Variants in MAGI2 observed in about 807,000 individuals in gnomAD.
The protein encoded by MAGI2 is membrane-associated guanylate kinase, WW and PDZ domain-containing protein 2.
In MAGI2, 35 loss-of-function variants were observed where a neutral mutation model predicts 133.3. That is an observed-to-expected ratio of 0.26 (90% CI 0.20 to 0.35). The LOEUF is 0.35. MAGI2 is among the 10% of genes least tolerant of loss of function. MAGI2 has a pLI of 1.00. For synonymous variants in MAGI2, 729 were observed against 710.6 expected, an observed-to-expected ratio of 1.03 and a Z score of -0.41; for missense variants, 1,636 against 1,863.4, an observed-to-expected ratio of 0.88 and a Z score of 2.25.
At chr7:79,330,788 T>C (rs1840024078) in intron 1 of MAGI2, among the ~76,000 whole-genome samples, 1 of 152,124 alleles carries the variant, frequency 6.6e-6, no homozygotes, top group Non-Finnish European at 1.5e-5. Flanking sequence ...TTAAACATAA[T>C]AATTTTAGGA....
chr7:78,876,321 C>CAAAAAAAA (rs57950337), intron 2 of MAGI2, among the ~76,000 whole-genome samples: 1,589 of 79,110 alleles, frequency 0.02, 80 homozygotes, highest in African/African-American at 0.025. Flanking sequence ...GACTCCGTCT[C>CAAAAAAAA]AAAAAAAAAA....
At chr7:79,067,915 T>C (rs975480827) in intron 1 of MAGI2, among the ~76,000 whole-genome samples, 1 of 152,234 alleles carries the variant, frequency 6.6e-6, no homozygotes, top group Non-Finnish European at 1.5e-5. Context: ...ATGTATTGAT[T>C]TGCATATTTT....
At chr7:78,107,073 T>C (rs1164164525) in intron 20 of MAGI2, among the ~76,000 whole-genome samples, 2 of 152,210 alleles carry the variant, frequency 1.3e-5, no homozygotes, top group Non-Finnish European at 2.9e-5. Flanking sequence ...CTTCTGCATA[T>C]GGATATCCAG....
At chr7:78,501,531 C>T (rs778512670) in intron 5 of MAGI2, 46 bp downstream of exon 5, 29 of 1,519,124 alleles carry the variant, frequency 1.9e-5, no homozygotes, top group Middle Eastern at 1.7e-4. Flanking sequence ...ATTTATATCC[C>T]GCTATGACCT....
At chr7:79,204,687 T>A (rs1329716596) in intron 1 of MAGI2, among the ~76,000 whole-genome samples, 1 of 151,688 alleles carries the variant, frequency 6.6e-6, no homozygotes, top group African/African-American at 2.4e-5. Flanking sequence ...GAAAGCTCAG[T>A]GAACTTCAAG....
rs377698009 is a variant in MAGI2, at chr7:78,953,541, A to G, written c.418+53549T>C. On this transcript the variant is annotated intron_variant, in intron 2 of 21. Transcript: ENST00000354212. Reference sequence around the variant, plus strand: ...TAACATTATGACATTTTCCTTCCAAATTCTTTATTGTCATATTTAAATTAT... The same window carrying G: ...TAACATTATGACATTTTCCTTCCAAGTTCTTTATTGTCATATTTAAATTAT... 4.6e-5 allele frequency among the ~76,000 whole-genome samples: 7 copies of G among 152,292 alleles called. No homozygotes were observed. In the East Asian group the frequency reaches 1.4e-3, roughly 29 times the overall value.
chr7:78,715,846 A>ATTGTGT (rs61098682), intron 2 of MAGI2, among the ~76,000 whole-genome samples: 1 of 151,328 alleles, frequency 6.6e-6, no homozygotes, highest in African/African-American at 2.4e-5. Context: ...AATAAATACA[A>ATTGTGT]AATATAAGTC....
intron 1 of MAGI2, among the ~76,000 whole-genome samples, chr7:79,052,428 T>C (rs1812758389): frequency 6.6e-6 from 1 of 152,206 alleles, no homozygotes; most frequent in South Asian, 2.1e-4. Context: ...CATGGCACCA[T>C]GTGCACCTGC....
At chr7:78,765,162 G>C (rs1464366006) in intron 2 of MAGI2, among the ~76,000 whole-genome samples, 1 of 152,144 alleles carries the variant, frequency 6.6e-6, no homozygotes, top group African/African-American at 2.4e-5. Context: ...AATCCTGACA[G>C]AAGGGAGATC....
chr7:78,917,244 G>C (rs559902437), intron 2 of MAGI2, among the ~76,000 whole-genome samples: 1 of 152,014 alleles, frequency 6.6e-6, no homozygotes, highest in East Asian at 1.9e-4. Flanking sequence ...AAAGGAAGTA[G>C]AGTAAGAGGA....
chr7:78,744,335 T>G (rs1022767530), intron 2 of MAGI2, among the ~76,000 whole-genome samples: 1 of 152,170 alleles, frequency 6.6e-6, no homozygotes, highest in African/African-American at 2.4e-5. Context: ...AATTTTTTTG[T>G]TTATCTCATT....
intron 2 of MAGI2, among the ~76,000 whole-genome samples, chr7:78,732,258 A>G (rs1378393213): frequency 9.9e-5 from 15 of 152,110 alleles, no homozygotes; most frequent in East Asian, 5.8e-4. Flanking sequence ...AGAATGGCCT[A>G]TATTTCATCA....
chr7:78,949,212 T>C (rs531360212), intron 2 of MAGI2, among the ~76,000 whole-genome samples: 1 of 152,206 alleles, frequency 6.6e-6, no homozygotes, highest in Non-Finnish European at 1.5e-5. Flanking sequence ...AACAATTTGC[T>C]TTACAATTAT....
intron 21 of MAGI2, among the ~76,000 whole-genome samples, chr7:78,022,076 C>G (rs1808451772): frequency 6.6e-6 from 1 of 152,190 alleles, no homozygotes; most frequent in Non-Finnish European, 1.5e-5. Context: ...TGCTACACCT[C>G]AGGTATCCTT....
intron 2 of MAGI2, among the ~76,000 whole-genome samples, chr7:78,738,438 A>G (rs1431792654): frequency 6.6e-6 from 1 of 152,132 alleles, no homozygotes; most frequent in Non-Finnish European, 1.5e-5. Flanking sequence ...AGGTAAAAAC[A>G]TTTGACTTCC....
chr7:78,298,263 T>C (rs1463342709), intron 9 of MAGI2, among the ~76,000 whole-genome samples: 2 of 152,120 alleles, frequency 1.3e-5, no homozygotes, highest in Non-Finnish European at 2.9e-5. Flanking sequence ...ATGAGGAGTC[T>C]AACGAGACAT....
chr7:78,758,497 T>C (rs1824180345), intron 2 of MAGI2, among the ~76,000 whole-genome samples: 1 of 152,222 alleles, frequency 6.6e-6, no homozygotes, highest in Non-Finnish European at 1.5e-5. Context: ...CACACTTCAA[T>C]GTGTTTGCAT....
chr7:78,259,140 T>G (rs1562700903), intron 9 of MAGI2, among the ~76,000 whole-genome samples: 3 of 152,214 alleles, frequency 2.0e-5, no homozygotes, highest in Admixed American at 2.0e-4. Flanking sequence ...TTCATGTTTA[T>G]TGGCCTTTTG....
chr7:78,811,846 T>C (rs1386538283), intron 2 of MAGI2, among the ~76,000 whole-genome samples: 2 of 152,198 alleles, frequency 1.3e-5, no homozygotes, highest in Non-Finnish European at 2.9e-5. Flanking sequence ...GTGTATCTAT[T>C]GCCTCACATG....
Sources: gnomAD v4.1 joint callset for allele counts (sites outside exome capture counted in the v4.1 genomes callset) on GRCh38, gnomAD v4.1.1 for gene constraint, MANE v1.5 for transcripts, NCBI Gene and HGNC (gene_info 2026-07-23, HGNC 2026-07-21) for gene names.